ZFYVE21: variants seen among roughly 807,000 people sequenced by gnomAD.
The protein encoded by ZFYVE21 is zinc finger FYVE-type containing 21.
Under a neutral mutation model 29.5 loss-of-function variants are expected in ZFYVE21, and 21 were observed. The observed-to-expected ratio is 0.71, with a 90% CI of 0.50 to 1.02. ZFYVE21 has a LOEUF of 1.02. Ranked by LOEUF, ZFYVE21 falls within the 50% of genes least tolerant of loss-of-function variation. The pLI, the probability that ZFYVE21 is intolerant of heterozygous loss-of-function variation, is 0.00. For missense variants in ZFYVE21, 326 were observed against 335.4 expected, an observed-to-expected ratio of 0.97 and a Z score of 0.22; for synonymous variants, 151 against 133.8, an observed-to-expected ratio of 1.13 and a Z score of -0.89.
chr14:103,732,492 G>A lies in ZFYVE21; in HGVS notation c.527-128G>A, dbSNP rs995465616. The A allele has an allele frequency of 5.1e-6, 6 of 1,187,822 alleles. No individual in the cohort carries two copies. The African/African-American group carries it at 9.4e-5, about 19-fold the overall frequency. 73.6% of individuals were successfully genotyped at this position (1,187,822 alleles called of 1,614,324 possible). ...GTTCCCTGGGTGCTCCTGAGCACCA[G>A]CCCTCACTGCCAGGCTACTCTTGGA... On this transcript the variant is annotated intron_variant, in intron 5 of 6. Coordinates refer to ENST00000311141, the MANE Select transcript of ZFYVE21 (RefSeq NM_024071.4).
At chr14:103,721,504 C>T (rs1178095333) in intron 1 of ZFYVE21, among the ~76,000 whole-genome samples, 2 of 152,248 alleles carry the variant, frequency 1.3e-5, no homozygotes, top group African/African-American at 2.4e-5. Flanking sequence ...GAGGCCTGGG[C>T]CGAGGCTGCC....
rs1450042930 is a variant in ZFYVE21, at chr14:103,727,886, C to T, written c.330C>T (p.Tyr110=). Residue 110 remains tyrosine, a synonymous_variant, in exon 3 of 7, where the codon TAC becomes TAT. Coordinates refer to ENST00000311141, the MANE Select transcript of ZFYVE21 (RefSeq NM_024071.4). ...ALVSLKEAEF[Y]DKQLKVLLSG... ...TGTCCCTCAAGGAGGCGGAGTTCTA[C>T]GACAAGCAGCTCAAAGTGCTCCTGA... 3 of 1,612,722 alleles carry T rather than the reference C, an allele frequency of 1.9e-6. No individual in the cohort carries two copies. Among genetic ancestry groups the T allele is most frequent in the Middle Eastern group, 1.6e-4 (1 of 6,076 alleles).
chr14:103,726,990 G>T (rs1284137749), intron 2 of ZFYVE21, 148 bp downstream of exon 2: 1 of 763,590 alleles, frequency 1.3e-6, no homozygotes. Flanking sequence ...TTGTCGCCCA[G>T]GCTGGAGTGC....
intron 1 of ZFYVE21, among the ~76,000 whole-genome samples, chr14:103,719,708 T>G (rs910490848): frequency 6.6e-6 from 1 of 151,966 alleles, no homozygotes; most frequent in Non-Finnish European, 1.5e-5. Context: ...AGCTCACCCC[T>G]GTGAGGTGCC....
At chr14:103,728,193 C>G (rs2083946198) in intron 3 of ZFYVE21, 2 of 348,932 alleles carry the variant, frequency 5.7e-6, no homozygotes, top group Non-Finnish European at 1.0e-5. Context: ...TTCCTCCTTC[C>G]CCCGGGTGGA....
At position 103,732,980 on chromosome 14, in the gene ZFYVE21, C is replaced by T. The variant is rs1487119947; in HGVS notation, c.670-3C>T. The T allele has an allele frequency of 1.2e-6, 2 of 1,614,120 alleles. No individual in the cohort carries two copies. The highest frequency in any genetic ancestry group is 1.6e-4 in the Middle Eastern group (1 of 6,062). On this transcript the variant is annotated splice_polypyrimidine_tract_variant and splice_region_variant and intron_variant, in intron 6 of 6. Transcript: ENST00000311141. ...CACTGTGTTGATCTTGTCTGATCTGCAGGCTGCCAAGCTCCTCTATGAATC... is the reference window on the plus strand; with the variant it reads ...CACTGTGTTGATCTTGTCTGATCTGTAGGCTGCCAAGCTCCTCTATGAATC...
chr14:103,726,985 G>A (rs1317572522), intron 2 of ZFYVE21, 143 bp downstream of exon 2: 10 of 774,500 alleles, frequency 1.3e-5, no homozygotes, highest in East Asian at 2.9e-5. Context: ...CGCTCTTGTC[G>A]CCCAGGCTGG....
At chr14:103,717,463 C>T (rs1457852126) in intron 1 of ZFYVE21, among the ~76,000 whole-genome samples, 1 of 152,220 alleles carries the variant, frequency 6.6e-6, no homozygotes, top group Non-Finnish European at 1.5e-5. Context: ...TGTACACATG[C>T]ACTGATCTTA....
Position 103,716,846 on chromosome 14 carries a change from A to G in ZFYVE21, c.138+867A>G, listed in dbSNP as rs1259953630. Reference sequence around the variant, plus strand: ...GAAGGCCCCGAGTGCATTTAATCCCACTGGCTGTGCGCTAACAGGTGTGTC... The same window carrying G: ...GAAGGCCCCGAGTGCATTTAATCCCGCTGGCTGTGCGCTAACAGGTGTGTC... On this transcript the variant is annotated intron_variant, in intron 1 of 6. Coordinates refer to ENST00000311141, the MANE Select transcript of ZFYVE21 (RefSeq NM_024071.4). This position sits in a 1 kb window ranked among gnomAD's most constrained non-coding sequence, Gnocchi z 4.8. 2.0e-5 allele frequency among the ~76,000 whole-genome samples: 3 copies of G among 152,118 alleles called. No homozygotes were observed. The highest frequency in any genetic ancestry group is 3.9e-4 in the East Asian group (2 of 5,164).
In ZFYVE21 at chr14:103,715,984, G is replaced by T; in HGVS notation, c.138+5G>T. On this transcript the variant is annotated splice_donor_5th_base_variant and intron_variant, in intron 1 of 6. Transcript: ENST00000311141. ...CAGTGGGTCCCGGACAAGGAGGTGG[G>T]TGGCCGTCGCCCCGGCCAGCGCCTC... 7.8e-7 allele frequency: 1 copy of T among 1,285,264 alleles called. No individual in the cohort carries two copies. Among genetic ancestry groups the T allele is most frequent in the Non-Finnish European group, 1.0e-6 (1 of 1,004,498 alleles). The allele number at this position is 1,285,264 out of a possible 1,614,324, so 79.6% of individuals were successfully genotyped here. A position where few individuals can be genotyped will look rare whatever the true frequency, so the allele number is the denominator to read the frequency against.
chr14:103,730,650 C>T (rs1012012213), intron 5 of ZFYVE21: 31 of 152,674 alleles, frequency 2.0e-4, no homozygotes, highest in African/African-American at 7.5e-4. Flanking sequence ...CCCTTCAGAC[C>T]CCAGCACCCT....
At chr14:103,727,071 G>A in intron 2 of ZFYVE21, 1 of 496,448 alleles carries the variant, frequency 2.0e-6, no homozygotes, top group South Asian at 2.2e-5. Flanking sequence ...TCAGCCTCCT[G>A]AGTAGCTGGG....
chr14:103,716,112 C>G lies in ZFYVE21; in HGVS notation c.138+133C>G. The G allele has an allele frequency of 1.1e-6, 1 of 930,382 alleles. No individual in the cohort carries two copies. Among genetic ancestry groups the G allele is most frequent in the Non-Finnish European group, 1.3e-6 (1 of 745,054 alleles). The allele number at this position is 930,382 out of a possible 1,614,324, so 57.6% of individuals were successfully genotyped here. A position where few individuals can be genotyped will look rare whatever the true frequency, so the allele number is the denominator to read the frequency against. ...CTTCCCCAGCCGGCCCCCGCCCCCGCTCTCTCCCAGGTTGGCCGCGTCCCC... is the reference window on the plus strand; with the variant it reads ...CTTCCCCAGCCGGCCCCCGCCCCCGGTCTCTCCCAGGTTGGCCGCGTCCCC... On this transcript the variant is annotated intron_variant, in intron 1 of 6. Transcript: ENST00000311141. This position sits in a 1 kb window ranked among gnomAD's most constrained non-coding sequence, Gnocchi z 4.8.
At position 103,720,354 on chromosome 14, in the gene ZFYVE21, C is replaced by T. The variant is rs1033642812; in HGVS notation, c.138+4375C>T. Among the ~76,000 whole-genome samples, 6 of 152,166 alleles carry T rather than the reference C, an allele frequency of 3.9e-5. 1 individual carries two copies. The highest frequency in any genetic ancestry group is 2.0e-4 in the Admixed American group (3 of 15,284). On this transcript the variant is annotated intron_variant, in intron 1 of 6. Transcript: ENST00000311141. ...ATCTTTCAATAAAGGTGCATTGATA[C>T]ATGCATTTAAATTGTTTTTTGATTG...
chr14:103,724,252 C>G (rs573273148), intron 1 of ZFYVE21, among the ~76,000 whole-genome samples: 7 of 152,362 alleles, frequency 4.6e-5, no homozygotes, highest in African/African-American at 1.7e-4. Context: ...ACAGGCCTTG[C>G]CTGCCTCCTT....
intron 1 of ZFYVE21, among the ~76,000 whole-genome samples, chr14:103,720,558 G>A (rs191739390): frequency 4.1e-4 from 62 of 152,234 alleles, no homozygotes; most frequent in African/African-American, 1.4e-3. Context: ...CTGAGACTTG[G>A]TTCTTTTTAT....
chr14:103,727,486 T>C (rs1300569175), intron 2 of ZFYVE21: 1 of 604,842 alleles, frequency 1.7e-6, no homozygotes, highest in Non-Finnish European at 3.1e-6. Flanking sequence ...GCAGTGGGAC[T>C]TGGGTAGTTG....
chr14:103,731,100 A>C (rs1360295237), intron 5 of ZFYVE21: 1 of 151,306 alleles, frequency 6.6e-6, no homozygotes, highest in Non-Finnish European at 1.5e-5. Context: ...ACCTGAGGTC[A>C]GGAGTTCGAG....
intron 1 of ZFYVE21, chr14:103,725,924 C>T (rs1356386581): frequency 6.6e-6 from 1 of 152,346 alleles, no homozygotes; most frequent in East Asian, 1.9e-4. Flanking sequence ...CTGCCCAGTT[C>T]CCAGGTCTTG....
Sources: allele counts gnomAD v4.1 joint callset (sites outside exome capture counted in the v4.1 genomes callset), GRCh38; gene constraint gnomAD v4.1.1; non-coding constraint Gnocchi (gnomAD v3.1); transcripts MANE v1.5; gene names NCBI Gene and HGNC (gene_info 2026-07-23, HGNC 2026-07-21).